CETP: variants seen among roughly 807,000 people sequenced by gnomAD.
The protein encoded by CETP is cholesteryl ester transfer protein.
A neutral mutation model predicts 66.5 loss-of-function variants in CETP; 56 were observed. The observed-to-expected ratio is 0.84, with a 90% CI of 0.68 to 1.05. CETP has a LOEUF of 1.05. Among genes scored for constraint, CETP ranks in the 50% least tolerant of loss-of-function variants. The pLI is 0.00. For synonymous variants in CETP, 251 were observed against 245.7 expected (o/e 1.02, Z -0.20); for missense variants, 612 against 609.6 (o/e 1.00, Z -0.04).
rs778700729 is a variant in CETP, at chr16:56,971,975, A to C, written c.659-17A>C. Reference sequence around the variant, plus strand: ...TCCCCCATCCTGAGGCCCTGCGTTGATCTTTTCCTCCTGCAGCCAGCATCC... The same window carrying C: ...TCCCCCATCCTGAGGCCCTGCGTTGCTCTTTTCCTCCTGCAGCCAGCATCC... On this transcript the variant is annotated splice_polypyrimidine_tract_variant and intron_variant, in intron 7 of 15. Transcript: ENST00000200676. 6.2e-7 allele frequency: 1 copy of C among 1,612,100 alleles called. No individual in the cohort carries two copies. The highest frequency in any genetic ancestry group is 1.1e-5 in the South Asian group (1 of 91,052).
In CETP at chr16:56,973,327, C is replaced by G. The variant is rs752622552; in HGVS notation, c.751-4C>G. The G allele has an allele frequency of 6.2e-7, 1 of 1,614,162 alleles. No homozygotes were observed. Among genetic ancestry groups the G allele is most frequent in the Non-Finnish European group, 8.5e-7 (1 of 1,180,020 alleles). On this transcript the variant is annotated splice_region_variant and splice_polypyrimidine_tract_variant and intron_variant, in intron 8 of 15. Transcript: ENST00000200676. ...GGTCCAGCCAGCGTCCTGGCTTCCT[C>G]CAGGGTCATTTCATCTACAAGAATG...
chr16:56,983,688 T>C lies in CETP; in HGVS notation c.*22T>C, dbSNP rs1400406287. On this transcript the variant is annotated 3_prime_UTR_variant, in exon 16 of 16. Coordinates refer to ENST00000200676, the MANE Select transcript of CETP (RefSeq NM_000078.3). The stretch of plus-strand genomic sequence containing the variant: ...CTAGAAGTCTCCAAGGAGGTCGGGA[T>C]GGGGCTTGTAGCAGAAGGCAAGCAC... 5 of 1,611,034 alleles carry C rather than the reference T, an allele frequency of 3.1e-6. No homozygotes were observed. The highest frequency in any genetic ancestry group is 2.2e-5 in the East Asian group (1 of 44,882).
At position 56,983,677 on chromosome 16, in the gene CETP, G is replaced by A. The variant is rs1158303096; in HGVS notation, c.*11G>A. 1 of 1,613,844 alleles carries A rather than the reference G, an allele frequency of 6.2e-7. No homozygotes were observed. Among genetic ancestry groups the A allele is most frequent in the Admixed American group, 1.7e-5 (1 of 60,026 alleles). On this transcript the variant is annotated 3_prime_UTR_variant, in exon 16 of 16. Transcript: ENST00000200676. The stretch of plus-strand genomic sequence containing the variant: ...CAGAGCTTGAGCTAGAAGTCTCCAA[G>A]GAGGTCGGGATGGGGCTTGTAGCAG...
chr16:56,979,957 G>A (rs1480815803), intron 11 of CETP, among the ~76,000 whole-genome samples: 1 of 152,124 alleles, frequency 6.6e-6, no homozygotes, highest in Non-Finnish European at 1.5e-5. Flanking sequence ...TCCTTCTGGT[G>A]CTTTGTTATT....
chr16:56,969,448 T>C lies in CETP; in HGVS notation c.296T>C (p.Ile99Thr), dbSNP rs1335946031. The change falls in exon 3 of 16, where the codon ATT becomes ACT. Residue 99 changes from isoleucine (I) to threonine (T), a missense_variant. Ile to Thr is a moderately conservative substitution (Grantham distance 89). Coordinates refer to ENST00000200676, the MANE Select transcript of CETP (RefSeq NM_000078.3). The part of the protein sequence containing the change: ...SQVELVEAKS[I>T]DVSIQNVSVV... ...GTGGAGCTGGTGGAAGCCAAGTCCA[T>C]TGATGTCTCCATTCAGAACGTGTCT... is the stretch of plus-strand genomic sequence containing the variant. 2 of 1,614,166 alleles carry C rather than the reference T, an allele frequency of 1.2e-6. No individual in the cohort carries two copies. Among genetic ancestry groups the C allele is most frequent in the South Asian group, 1.1e-5 (1 of 91,086 alleles).
chr16:56,982,328 G>A (rs1474161698), intron 14 of CETP, 91 bp downstream of exon 14: 4 of 1,241,556 alleles, frequency 3.2e-6, no homozygotes, highest in African/African-American at 2.9e-5. Context: ...AGCTTCAGGT[G>A]CCCCTCTTCC....
intron 10 of CETP, 90 bp downstream of exon 10, chr16:56,975,241 CCAATGGCAA>C: frequency 9.3e-7 from 1 of 1,078,112 alleles, no homozygotes; most frequent in South Asian, 1.3e-5. Flanking sequence ...AATAACACCA[CCAATGGCAA>C]CAATTATAAC....
intron 2 of CETP, among the ~76,000 whole-genome samples, chr16:56,964,623 T>G (rs1254994045): frequency 1.3e-5 from 2 of 152,214 alleles, no homozygotes; most frequent in Non-Finnish European, 2.9e-5. Context: ...TCCCCGGCCC[T>G]GCTAAACACG....
Position 56,978,071 on chromosome 16 carries a change from G to A in CETP, c.982-20G>A. 6.2e-7 allele frequency: 1 copy of A among 1,613,242 alleles called. No homozygotes were observed. The highest frequency in any genetic ancestry group is 2.2e-5 in the East Asian group (1 of 44,876). On this transcript the variant is annotated intron_variant, in intron 10 of 15. Coordinates refer to ENST00000200676, the MANE Select transcript of CETP (RefSeq NM_000078.3). The stretch of plus-strand genomic sequence containing the variant: ...CCTGATGGGCCCCTGTCCTGGCCAT[G>A]GGACCCCTGTCTTCCACAGGTTGTC...
In CETP at chr16:56,981,103, G is replaced by C. The variant is rs1012071663; in HGVS notation, c.1147-55G>C. The stretch of plus-strand genomic sequence containing the variant: ...TCAGGGGCCCTGAGCTAGGAGGGTT[G>C]CTCTCTGCTTCGGGAAGAGCCCTGG... On this transcript the variant is annotated intron_variant, in intron 11 of 15. Transcript: ENST00000200676. 5.1e-5 allele frequency: 67 copies of C among 1,311,412 alleles called. No individual in the cohort carries two copies. The African/African-American group carries it at 6.7e-4, about 13-fold the overall frequency. The allele number at this position is 1,311,412 out of a possible 1,614,324, so 81.2% of individuals were successfully genotyped here. A position where few individuals can be genotyped will look rare whatever the true frequency, so the allele number is the denominator to read the frequency against.
chr16:56,968,573 A>G (rs1296136140), intron 2 of CETP, among the ~76,000 whole-genome samples: 1 of 152,182 alleles, frequency 6.6e-6, no homozygotes. Context: ...TATACCATTT[A>G]CATTTCTAAG....
intron 13 of CETP, among the ~76,000 whole-genome samples, chr16:56,981,900 T>G (rs888973168): frequency 1.3e-5 from 2 of 152,116 alleles, no homozygotes; most frequent in African/African-American, 4.8e-5. Context: ...GGATTGGGGT[T>G]TAGGCAGAAC....
At position 56,969,169 on chromosome 16, in the gene CETP, CCTTAA is replaced by C. The variant is rs555591086; in HGVS notation, c.234-210_234-206del. On this transcript the variant is annotated intron_variant, in intron 2 of 15. Coordinates refer to ENST00000200676, the MANE Select transcript of CETP (RefSeq NM_000078.3). Reference sequence around the variant, plus strand: ...ATCATCTCCCCACCTACCCCAAGGTCCTTAACTTAACCATACTTTCATATGGGTAA... The same window carrying C: ...ATCATCTCCCCACCTACCCCAAGGTCCTTAACCATACTTTCATATGGGTAA... Among the ~76,000 whole-genome samples, 8 of 152,118 alleles carry C rather than the reference CCTTAA, an allele frequency of 5.3e-5. No individual in the cohort carries two copies. The South Asian group carries it at 1.7e-3, about 32-fold the overall frequency.
intron 2 of CETP, 75 bp downstream of exon 2, chr16:56,963,199 CA>C: frequency 8.2e-7 from 1 of 1,222,456 alleles, no homozygotes; most frequent in Non-Finnish European, 1.2e-6. Context: ...GCCCCCAGCC[CA>C]CAGGGAGGAA....
Position 56,983,385 on chromosome 16 carries a change from A to G in CETP, c.1381A>G (p.Ile461Val). 1 of 1,614,190 alleles carries G rather than the reference A, an allele frequency of 6.2e-7. No individual in the cohort carries two copies. The highest frequency in any genetic ancestry group is 8.5e-7 in the Non-Finnish European group (1 of 1,180,022). Residue 461 changes from isoleucine to valine, a missense_variant, in exon 15 of 16, where the codon ATC becomes GTC. Transcript: ENST00000200676. ...NSKGVSLFDIINPEIITRDGF... is the reference protein window; with the variant it reads ...NSKGVSLFDIVNPEIITRDGF... ...CAAAGGCGTGAGCCTCTTCGACATC[A>G]TCAACCCTGAGATTATCACTCGAGA... is the stretch of plus-strand genomic sequence containing the variant.
chr16:56,983,561 C>G, intron 15 of CETP, 31 bp from the exon 16 acceptor site: 1 of 1,612,876 alleles, frequency 6.2e-7, no homozygotes, highest in Middle Eastern at 1.7e-4. Flanking sequence ...CAGCCCAGCT[C>G]GCCCCTCTCT....
chr16:56,974,322 A>G (rs538495992), intron 9 of CETP, among the ~76,000 whole-genome samples: 34 of 152,298 alleles, frequency 2.2e-4, no homozygotes, highest in Admixed American at 2.0e-3. Context: ...GGCGGTGCAT[A>G]CCTATAGTCC....
intron 2 of CETP, among the ~76,000 whole-genome samples, chr16:56,964,445 G>A (rs1438877982): frequency 6.6e-6 from 1 of 152,138 alleles, no homozygotes; most frequent in African/African-American, 2.4e-5. Flanking sequence ...GCAGCCTGGC[G>A]GAGCTCATGT....
At chr16:56,975,833 C>A (rs1397165289) in intron 10 of CETP, among the ~76,000 whole-genome samples, 2 of 152,146 alleles carry the variant, frequency 1.3e-5, no homozygotes, top group Non-Finnish European at 2.9e-5. Flanking sequence ...TCCCTCTCCA[C>A]ACACAACCTG....
Sources: allele counts gnomAD v4.1 joint callset (sites outside exome capture counted in the v4.1 genomes callset), GRCh38; gene constraint gnomAD v4.1.1; transcripts MANE v1.5; gene names NCBI Gene and HGNC (gene_info 2026-07-23, HGNC 2026-07-21).